Variants in BCAS1 observed in about 807,000 individuals in gnomAD.
The protein encoded by BCAS1 is brain enriched myelin associated protein 1, also known as breast carcinoma-amplified sequence 1.
Under a neutral mutation model 65.4 loss-of-function variants are expected in BCAS1, and 46 were observed. The ratio of observed to expected loss-of-function variants is 0.70; its 90% CI spans 0.55 to 0.90. The LOEUF is 0.90. BCAS1 is among the 40% of genes least tolerant of loss of function. BCAS1 has a pLI of 0.00. For synonymous variants in BCAS1, 298 were observed against 293.5 expected, an observed-to-expected ratio of 1.02 and a Z score of -0.16; for missense variants, 793 against 771.2, an observed-to-expected ratio of 1.03 and a Z score of -0.33.
At chr20:54,009,548 A>G (rs1415763057) in intron 4 of BCAS1, among the ~76,000 whole-genome samples, 1 of 152,236 alleles carries the variant, frequency 6.6e-6, no homozygotes, top group African/African-American at 2.4e-5. Flanking sequence ...AAATATCCAT[A>G]TAACTATTAA....
At chr20:53,983,577 A>G (rs1175293274) in intron 8 of BCAS1, among the ~76,000 whole-genome samples, 1 of 152,210 alleles carries the variant, frequency 6.6e-6, no homozygotes, top group Non-Finnish European at 1.5e-5. Context: ...CAGCCATGGA[A>G]GTGTGCTGCT....
At chr20:54,033,906 T>C (rs539534420) in intron 3 of BCAS1, among the ~76,000 whole-genome samples, 16 of 151,484 alleles carry the variant, frequency 1.1e-4, no homozygotes, top group African/African-American at 3.9e-4. Context: ...AATAAAATAC[T>C]GGCAAACTGA....
At chr20:53,951,386 G>A (rs180740117) in intron 12 of BCAS1, among the ~76,000 whole-genome samples, 2 of 152,306 alleles carry the variant, frequency 1.3e-5, no homozygotes, top group East Asian at 1.9e-4. Context: ...CAAGAGAATC[G>A]CTTGAACCCG....
intron 1 of BCAS1, among the ~76,000 whole-genome samples, chr20:54,069,769 C>T (rs2092492191): frequency 6.6e-6 from 1 of 152,216 alleles, no homozygotes; most frequent in African/African-American, 2.4e-5. Flanking sequence ...CTGAGGGAAC[C>T]TGCTCCAGGG....
intron 8 of BCAS1, among the ~76,000 whole-genome samples, chr20:53,979,044 CTGGAGTCAAACCCACA>C (rs2090409237): frequency 6.6e-6 from 1 of 151,944 alleles, no homozygotes; most frequent in Non-Finnish European, 1.5e-5. Flanking sequence ...AGCCTGGTGG[CTGGAGTCAAACCCACA>C]TGGTTCCTCT....
At chr20:53,955,557 C>T (rs1000948085) in intron 11 of BCAS1, among the ~76,000 whole-genome samples, 7 of 152,132 alleles carry the variant, frequency 4.6e-5, no homozygotes, top group African/African-American at 1.7e-4. Flanking sequence ...TGTCTGGAGT[C>T]AGAAGGACCT....
chr20:53,969,126 T>C (rs1283782972), intron 9 of BCAS1, among the ~76,000 whole-genome samples: 1 of 152,036 alleles, frequency 6.6e-6, no homozygotes, highest in Non-Finnish European at 1.5e-5. Context: ...ATCACATCTA[T>C]ATCCCTCATC....
At chr20:53,950,882 C>T (rs2089498512) in intron 12 of BCAS1, among the ~76,000 whole-genome samples, 1 of 151,976 alleles carries the variant, frequency 6.6e-6, no homozygotes, top group Non-Finnish European at 1.5e-5. Context: ...AGCTAGACAA[C>T]ATGTAAATGA....
chr20:53,946,783 CTATAGT>C (rs1232856401), intron 12 of BCAS1, among the ~76,000 whole-genome samples: 1 of 151,096 alleles, frequency 6.6e-6, no homozygotes, highest in Non-Finnish European at 1.5e-5. Flanking sequence ...ATACAGAACA[CTATAGT>C]ATATAGTATA....
In BCAS1 at chr20:54,028,838, A is replaced by G; in HGVS notation, c.277T>C (p.Ser93Pro). 1 of 1,613,800 alleles carries G rather than the reference A, an allele frequency of 6.2e-7. No individual in the cohort carries two copies. The highest frequency in any genetic ancestry group is 8.5e-7 in the Non-Finnish European group (1 of 1,179,998). ...CGAGAGAGCATCAAGAAAAAACGAG[A>G]TTTAGCAGCTGGTGCCTCGGGTTTG... ...EAKPEAPAAK[S>P]RFFLMLSRPV... Residue 93 changes from serine (S) to proline (P), a missense_variant, in exon 4 of 13, where the codon TCT becomes CCT. Ser to Pro is a moderately conservative substitution (Grantham distance 74). Coordinates refer to ENST00000688948, the MANE Select transcript of BCAS1 (RefSeq NM_001366298.2).
chr20:54,058,941 TTCCGCATGGCTGGGGAGACCG>T (rs1935608326), intron 1 of BCAS1, among the ~76,000 whole-genome samples: 1 of 152,120 alleles, frequency 6.6e-6, no homozygotes, highest in South Asian at 2.1e-4. Flanking sequence ...TGACTCATGG[TTCCGCATGGCTGGGGAGACCG>T]CAGGAAACTT....
At chr20:54,041,927 A>AAAAAAAAAAAAAAAAAAAC (rs2092006945) in intron 3 of BCAS1, among the ~76,000 whole-genome samples, 1 of 149,986 alleles carries the variant, frequency 6.7e-6, no homozygotes, top group African/African-American at 2.4e-5. Context: ...AAAAAAAAAA[A>AAAAAAAAAAAAAAAAAAAC]AAAAGAACAG....
intron 8 of BCAS1, among the ~76,000 whole-genome samples, chr20:53,980,867 T>A (rs1251071725): frequency 6.6e-6 from 1 of 152,244 alleles, no homozygotes; most frequent in Non-Finnish European, 1.5e-5. Context: ...GCCAGGAATA[T>A]CATTTTTCAA....
chr20:53,953,789 G>A (rs1471917227), intron 11 of BCAS1, 94 bp from the exon 12 acceptor site: 2 of 1,402,412 alleles, frequency 1.4e-6, no homozygotes, highest in African/African-American at 1.4e-5. Context: ...ATGTTCAAAT[G>A]TTGGGTGGTA....
At chr20:54,018,557 C>T (rs940369651) in intron 4 of BCAS1, among the ~76,000 whole-genome samples, 2 of 152,054 alleles carry the variant, frequency 1.3e-5, no homozygotes, top group African/African-American at 2.4e-5. Context: ...AGGATGGTCT[C>T]GATCTCCTGA....
intron 5 of BCAS1, among the ~76,000 whole-genome samples, 155 bp downstream of exon 5, chr20:53,995,737 T>C (rs1050206597): frequency 4.6e-5 from 7 of 152,170 alleles, no homozygotes; most frequent in African/African-American, 1.7e-4. Flanking sequence ...AACACAACTT[T>C]CTTATGAAGC....
chr20:53,984,201 C>T (rs1568842971), intron 8 of BCAS1, among the ~76,000 whole-genome samples: 1 of 152,294 alleles, frequency 6.6e-6, no homozygotes, highest in African/African-American at 2.4e-5. Flanking sequence ...AGTCTTCTCT[C>T]TTGTCTCCAA....
intron 3 of BCAS1, among the ~76,000 whole-genome samples, chr20:54,030,509 T>C (rs2091774971): frequency 1.3e-5 from 2 of 152,228 alleles, no homozygotes; most frequent in Admixed American, 1.3e-4. Flanking sequence ...CTTCTTAATA[T>C]CTGTTTGCAG....
At chr20:53,952,989 A>AGTGCATTC (rs1217082832) in intron 12 of BCAS1, among the ~76,000 whole-genome samples, 5 of 142,722 alleles carry the variant, frequency 3.5e-5, no homozygotes, top group Non-Finnish European at 8.0e-5. Flanking sequence ...ATCAGCCAAT[A>AGTGCATTC]ATGCATTCAT....
Sources: allele counts gnomAD v4.1 joint callset (sites outside exome capture counted in the v4.1 genomes callset), GRCh38; gene constraint gnomAD v4.1.1; transcripts MANE v1.5; gene names NCBI Gene and HGNC (gene_info 2026-07-23, HGNC 2026-07-21).